The following KCNQ1OT1 variants were observed in gnomAD, a reference collection of about 807,000 sequenced individuals.
The protein encoded by KCNQ1OT1 is KCNQ1 antisense RNA 2 (non-protein coding).
In KCNQ1OT1 at chr11:2,691,879, G is replaced by A. The variant is rs181640090; in HGVS notation, n.8116C>T. ...TCTTTTCCATCCCTCCAGTTCTCCT[G>A]GCTTTCTTGCCATCTTTCTGGCTCT... On this transcript the variant is annotated non_coding_transcript_exon_variant, in exon 1 of 1. Coordinates refer to ENST00000597346, the Ensembl canonical transcript of KCNQ1OT1. This position sits in a 1 kb window ranked among gnomAD's most constrained non-coding sequence, Gnocchi z 6.4. The A allele has an allele frequency of 2.7e-3, 1,084 of 398,762 alleles. 10 individuals carry two copies. The highest frequency in any genetic ancestry group is 3.0e-3 in the Non-Finnish European group (687 of 226,180). The allele number at this position is 398,762 out of a possible 1,614,324, so 24.7% of individuals were successfully genotyped here. A position where few individuals can be genotyped will look rare whatever the true frequency, so the allele number is the denominator to read the frequency against.
In KCNQ1OT1 at chr11:2,674,168, A is replaced by G; in HGVS notation, n.25827T>C. ...GCTCAGGAAGGGAAGGAATGTGACCAAGGCTGGGTGTGGCTGGGGAGAGCA... is the reference window on the plus strand; with the variant it reads ...GCTCAGGAAGGGAAGGAATGTGACCGAGGCTGGGTGTGGCTGGGGAGAGCA... On this transcript the variant is annotated non_coding_transcript_exon_variant, in exon 1 of 1. Transcript: ENST00000597346. The surrounding 1 kb of genome is among the most constrained non-coding windows in gnomAD (Gnocchi z 5.9). The G allele has an allele frequency of 2.5e-6, 1 of 398,664 alleles. No individual in the cohort carries two copies. The highest frequency in any genetic ancestry group is 4.4e-5 in the Admixed American group (1 of 22,730). 24.7% of individuals were successfully genotyped at this position (398,664 alleles called of 1,614,324 possible).
At chr11:2,649,876 A>G (rs940020816) in exon 1 of KCNQ1OT1, 1 of 398,480 alleles carries the variant, frequency 2.5e-6, no homozygotes, top group Non-Finnish European at 4.4e-6. Context: ...ATCTTCTTAA[A>G]TAGATTTTCT....
chr11:2,662,554 T>G (rs117125676), exon 1 of KCNQ1OT1: 1 of 426,468 alleles, frequency 2.3e-6, no homozygotes, highest in Non-Finnish European at 4.1e-6. Flanking sequence ...CAGTTGGCCT[T>G]CCCCTGAGGC....
At chr11:2,656,602 T>C in exon 1 of KCNQ1OT1, 1 of 398,680 alleles carries the variant, frequency 2.5e-6, no homozygotes, top group Non-Finnish European at 4.4e-6. Context: ...CTACTTTGTC[T>C]ATTGCCCATT....
Position 2,669,880 on chromosome 11 carries a change from T to C in KCNQ1OT1, n.30115A>G, listed in dbSNP as rs1850150144. ...CACAACATATGGCTGTCAGCTGCTG[T>C]CCTTAATAAGATGTGCCTAGAGGCC... On this transcript the variant is annotated non_coding_transcript_exon_variant, in exon 1 of 1. Coordinates refer to ENST00000597346, the Ensembl canonical transcript of KCNQ1OT1. The surrounding 1 kb of genome is among the most constrained non-coding windows in gnomAD (Gnocchi z 5.6). The C allele has an allele frequency of 2.5e-6, 1 of 398,578 alleles. No homozygotes were observed. Among genetic ancestry groups the C allele is most frequent in the Non-Finnish European group, 4.4e-6 (1 of 226,074 alleles). 24.7% of individuals were successfully genotyped at this position (398,578 alleles called of 1,614,324 possible).
Position 2,645,536 on chromosome 11 carries a change from G to C in KCNQ1OT1, n.54459C>G, listed in dbSNP as rs563128608. On this transcript the variant is annotated non_coding_transcript_exon_variant, in exon 1 of 1. Coordinates refer to ENST00000597346, the Ensembl canonical transcript of KCNQ1OT1. This position sits in a 1 kb window ranked among gnomAD's most constrained non-coding sequence, Gnocchi z 5.8. ...TTGCAGCCCTACTCCTGGGGAAGTT[G>C]AGTGGGATTGCTTTCAGTGGCAGCA... 1 of 398,742 alleles carries C rather than the reference G, an allele frequency of 2.5e-6. No individual in the cohort carries two copies. The highest frequency in any genetic ancestry group is 2.1e-5 in the African/African-American group (1 of 48,742). 24.7% of individuals were successfully genotyped at this position (398,742 alleles called of 1,614,324 possible).
chr11:2,695,783 T>C lies in KCNQ1OT1; in HGVS notation n.4212A>G, dbSNP rs895116965. 5.0e-6 allele frequency: 2 copies of C among 398,678 alleles called. No individual in the cohort carries two copies. Among genetic ancestry groups the C allele is most frequent in the African/African-American group, 4.1e-5 (2 of 48,760 alleles). The allele number at this position is 398,678 out of a possible 1,614,324, so 24.7% of individuals were successfully genotyped here. ...CACTTGGCCTTATCCTACTTTCTAA[T>C]GCTTCTCCTATGAAGAATAGCTGTT... On this transcript the variant is annotated non_coding_transcript_exon_variant, in exon 1 of 1. Transcript: ENST00000597346. The surrounding 1 kb of genome is among the most constrained non-coding windows in gnomAD (Gnocchi z 5.2).
chr11:2,664,554 G>T lies in KCNQ1OT1; in HGVS notation n.35441C>A. 1 of 398,728 alleles carries T rather than the reference G, an allele frequency of 2.5e-6. No individual in the cohort carries two copies. Among genetic ancestry groups the T allele is most frequent in the East Asian group, 3.6e-5 (1 of 28,068 alleles). 24.7% of individuals were successfully genotyped at this position (398,728 alleles called of 1,614,324 possible). A position where few individuals can be genotyped will look rare whatever the true frequency, so the allele number is the denominator to read the frequency against. On this transcript the variant is annotated non_coding_transcript_exon_variant, in exon 1 of 1. Coordinates refer to ENST00000597346, the Ensembl canonical transcript of KCNQ1OT1. This position sits in a 1 kb window ranked among gnomAD's most constrained non-coding sequence, Gnocchi z 5.1. ...ACCGCCTGGCGGCAGGGGTGTGGGG[G>T]CCGTGCAGGTCTTCTGCCCGCATTG...
chr11:2,683,995 G>T lies in KCNQ1OT1; in HGVS notation n.16000C>A, dbSNP rs1464097149. 4 of 397,744 alleles carry T rather than the reference G, an allele frequency of 1.0e-5. No individual in the cohort carries two copies. The highest frequency in any genetic ancestry group is 1.8e-5 in the Non-Finnish European group (4 of 225,982). 24.6% of individuals were successfully genotyped at this position (397,744 alleles called of 1,614,324 possible). A position where few individuals can be genotyped will look rare whatever the true frequency, so the allele number is the denominator to read the frequency against. ...TTTTTCATTTAGAAGAATTTCCTTGGCAACTCCGTCTCTCCTTAGTCAACA... is the reference window on the plus strand; with the variant it reads ...TTTTTCATTTAGAAGAATTTCCTTGTCAACTCCGTCTCTCCTTAGTCAACA... On this transcript the variant is annotated non_coding_transcript_exon_variant, in exon 1 of 1. Transcript: ENST00000597346. This position sits in a 1 kb window ranked among gnomAD's most constrained non-coding sequence, Gnocchi z 4.7.
chr11:2,611,384 T>C lies in KCNQ1OT1; in HGVS notation n.88611A>G, dbSNP rs747697692. 24 of 397,184 alleles carry C rather than the reference T, an allele frequency of 6.0e-5. No homozygotes were observed. Among genetic ancestry groups the C allele is most frequent in the Non-Finnish European group, 1.0e-4 (23 of 225,830 alleles). The allele number at this position is 397,184 out of a possible 1,614,324, so 24.6% of individuals were successfully genotyped here. ...ACAGGCATTTGCCACCATACCCAGC[T>C]AATTTTTAGTAGAGACAGAGTTTCA... On this transcript the variant is annotated non_coding_transcript_exon_variant, in exon 1 of 1. Coordinates refer to ENST00000597346, the Ensembl canonical transcript of KCNQ1OT1. This position sits in a 1 kb window ranked among gnomAD's most constrained non-coding sequence, Gnocchi z 5.3.
chr11:2,608,839 A>T lies in KCNQ1OT1; in HGVS notation n.91156T>A, dbSNP rs189694407. 2.5e-6 allele frequency: 1 copy of T among 398,202 alleles called. No homozygotes were observed. The highest frequency in any genetic ancestry group is 4.4e-6 in the Non-Finnish European group (1 of 225,966). 24.7% of individuals were successfully genotyped at this position (398,202 alleles called of 1,614,324 possible). A position where few individuals can be genotyped will look rare whatever the true frequency, so the allele number is the denominator to read the frequency against. ...ACTGTCATTCATTTCTGATTTTAGT[A>T]ATTTGAGTTTTCTCTCTCCCCCTTT... is the stretch of plus-strand genomic sequence containing the variant. On this transcript the variant is annotated non_coding_transcript_exon_variant, in exon 1 of 1. Transcript: ENST00000597346. The surrounding 1 kb of genome is among the most constrained non-coding windows in gnomAD (Gnocchi z 4.6).
rs977626438 is a variant in KCNQ1OT1, at chr11:2,677,425, G to A, written n.22570C>T. 10 of 398,474 alleles carry A rather than the reference G, an allele frequency of 2.5e-5. No homozygotes were observed. The highest frequency in any genetic ancestry group is 4.1e-5 in the African/African-American group (2 of 48,632). 24.7% of individuals were successfully genotyped at this position (398,474 alleles called of 1,614,324 possible). On this transcript the variant is annotated non_coding_transcript_exon_variant, in exon 1 of 1. Transcript: ENST00000597346. The surrounding 1 kb of genome is among the most constrained non-coding windows in gnomAD (Gnocchi z 4.5). Reference sequence around the variant, plus strand: ...TAGATAAGCATTTCAGAGGACAGCAGGGGAGATGATAATTGATGCAGGTGG... The same window carrying A: ...TAGATAAGCATTTCAGAGGACAGCAAGGGAGATGATAATTGATGCAGGTGG...
chr11:2,629,953 A>G (rs1049855612), exon 1 of KCNQ1OT1: 12 of 398,434 alleles, frequency 3.0e-5, no homozygotes, highest in Non-Finnish European at 5.3e-5. Flanking sequence ...GACTTCCAGT[A>G]CTGTGTTGAA....
exon 1 of KCNQ1OT1, chr11:2,660,968 CTG>C (rs1429510227): frequency 2.5e-6 from 1 of 398,648 alleles, no homozygotes; most frequent in Non-Finnish European, 4.4e-6. Context: ...CCAATCTAAA[CTG>C]TGGACTATTA....
chr11:2,681,207 T>C (rs1049552206), exon 1 of KCNQ1OT1: 4 of 398,516 alleles, frequency 1.0e-5, no homozygotes, highest in African/African-American at 8.2e-5. Flanking sequence ...AGTGTTTGTG[T>C]TCTATGAAGA....
At chr11:2,637,953 G>C (rs540795526) in exon 1 of KCNQ1OT1, 1 of 152,240 alleles carries the variant, frequency 6.6e-6, no homozygotes, top group East Asian at 1.9e-4. Flanking sequence ...TGTCTCTTTT[G>C]ATCTTTATTG....
At chr11:2,634,995 T>C (rs1028042478) in exon 1 of KCNQ1OT1, 2 of 152,278 alleles carry the variant, frequency 1.3e-5, no homozygotes, top group African/African-American at 2.4e-5. Context: ...GAGAAGTGTC[T>C]GTTCATAACC....
rs9666604 is a variant in KCNQ1OT1 at position 2,676,365 on chromosome 11, A to G, written n.23630T>C. 52,786 of 398,538 alleles carry G rather than the reference A, an allele frequency of 0.13. 3,980 individuals are homozygous for G. Among genetic ancestry groups the G allele is most frequent in the African/African-American group, 0.22 (10,828 of 48,692 alleles). The allele number at this position is 398,538 out of a possible 1,614,324, so 24.7% of individuals were successfully genotyped here. ...GTTTTCTCATGGTTGGGCTTCCAGTATAATTGGAAGGAGCATAGTCTCTGT... is the reference window on the plus strand; with the variant it reads ...GTTTTCTCATGGTTGGGCTTCCAGTGTAATTGGAAGGAGCATAGTCTCTGT... On this transcript the variant is annotated non_coding_transcript_exon_variant, in exon 1 of 1. Transcript: ENST00000597346. This position sits in a 1 kb window ranked among gnomAD's most constrained non-coding sequence, Gnocchi z 4.2.
rs1849956562 is a variant in KCNQ1OT1 at position 2,661,548 on chromosome 11, C to T, written n.38447G>A. On this transcript the variant is annotated non_coding_transcript_exon_variant, in exon 1 of 1. Transcript: ENST00000597346. The surrounding 1 kb of genome is among the most constrained non-coding windows in gnomAD (Gnocchi z 5.9). The stretch of plus-strand genomic sequence containing the variant: ...CATCTTTCCTGACCCACTACTCTGT[C>T]AATGTATGAGTGTGACAATGTATGG... 1 of 515,902 alleles carries T rather than the reference C, an allele frequency of 1.9e-6. No individual in the cohort carries two copies. The highest frequency in any genetic ancestry group is 1.9e-5 in the African/African-American group (1 of 52,820). The allele number at this position is 515,902 out of a possible 1,614,324, so 32.0% of individuals were successfully genotyped here. A position where few individuals can be genotyped will look rare whatever the true frequency, so the allele number is the denominator to read the frequency against.
Sources: allele counts gnomAD v4.1 joint callset, GRCh38; gene constraint gnomAD v4.1.1; non-coding constraint Gnocchi (gnomAD v3.1); transcripts MANE v1.5; gene names NCBI Gene and HGNC (gene_info 2026-07-23, HGNC 2026-07-21).